RALYL: variants seen among roughly 807,000 people sequenced by gnomAD.
The protein encoded by RALYL is RNA-binding Raly-like protein.
RALYL carries 29 observed loss-of-function variants against 35.1 expected under a neutral mutation model. The observed-to-expected ratio is 0.83, with a 90% CI of 0.61 to 1.13. The LOEUF is 1.13. RALYL is among the 50% of genes most tolerant of loss of function. The pLI, the probability that RALYL is intolerant of heterozygous loss-of-function variation, is 0.00. For missense variants in RALYL, 359 were observed against 360.4 expected (o/e 1.00, Z 0.03); for synonymous variants, 120 against 127.6 (o/e 0.94, Z 0.40).
chr8:84,395,664 A>G (rs1370743390), intron 1 of RALYL, among the ~76,000 whole-genome samples: 1 of 151,928 alleles, frequency 6.6e-6, no homozygotes, highest in African/African-American at 2.4e-5. Context: ...AAAAATAGCA[A>G]GGTTTTAACA....
At chr8:84,355,954 AT>A (rs1164298658) in intron 1 of RALYL, among the ~76,000 whole-genome samples, 1 of 150,000 alleles carries the variant, frequency 6.7e-6, no homozygotes, top group Admixed American at 6.6e-5. Context: ...TGATTGGATC[AT>A]GGGGGTGGAT....
intron 1 of RALYL, among the ~76,000 whole-genome samples, chr8:84,483,077 T>C (rs745670706): frequency 1.3e-5 from 2 of 152,122 alleles, no homozygotes; most frequent in Non-Finnish European, 2.9e-5. Flanking sequence ...TTTGAAGATA[T>C]ATAAGCTGGA....
At chr8:84,362,399 T>A (rs10094681) in intron 1 of RALYL, among the ~76,000 whole-genome samples, 1 of 152,036 alleles carries the variant, frequency 6.6e-6, no homozygotes, top group African/African-American at 2.4e-5. Flanking sequence ...TCTCAGCATC[T>A]GATGTGTCCC....
intron 1 of RALYL, among the ~76,000 whole-genome samples, chr8:84,267,191 CT>C (rs1374819548): frequency 6.6e-6 from 1 of 152,106 alleles, no homozygotes; most frequent in Admixed American, 6.5e-5. Flanking sequence ...TTCTTTTCCT[CT>C]TTCAAATAAG....
chr8:84,814,286 A>AGTT (rs1363612895), intron 4 of RALYL, among the ~76,000 whole-genome samples: 7 of 152,194 alleles, frequency 4.6e-5, no homozygotes, highest in Non-Finnish European at 7.4e-5. Context: ...CAGTGCTTTG[A>AGTT]GTTACATTAT....
intron 4 of RALYL, among the ~76,000 whole-genome samples, chr8:84,820,652 G>A (rs1828322760): frequency 6.6e-6 from 1 of 151,990 alleles, no homozygotes; most frequent in Non-Finnish European, 1.5e-5. Context: ...TGTCATCTAG[G>A]TTTTAAGTCC....
At chr8:84,785,363 A>T (rs924121487) in intron 3 of RALYL, among the ~76,000 whole-genome samples, 3 of 151,520 alleles carry the variant, frequency 2.0e-5, no homozygotes, top group Non-Finnish European at 2.9e-5. Context: ...AAGTGATTAT[A>T]AAAAAAAATC....
chr8:84,617,804 C>G (rs373705502), intron 2 of RALYL, among the ~76,000 whole-genome samples: 8 of 151,360 alleles, frequency 5.3e-5, no homozygotes, highest in Admixed American at 6.6e-5. Flanking sequence ...TAGCATGAAG[C>G]GTTGTTGAAT....
intron 2 of RALYL, among the ~76,000 whole-genome samples, chr8:84,545,903 GT>G (rs139353896): frequency 1.2e-3 from 182 of 152,148 alleles, no homozygotes; most frequent in African/African-American, 4.3e-3. Context: ...AAATTATTAT[GT>G]TTTTCCTTGT....
chr8:84,685,695 G>A (rs781643485), intron 2 of RALYL, among the ~76,000 whole-genome samples: 29 of 152,086 alleles, frequency 1.9e-4, no homozygotes, highest in Non-Finnish European at 2.9e-4. Flanking sequence ...ATGATCAAAT[G>A]GGCTTGGAGT....
intron 1 of RALYL, among the ~76,000 whole-genome samples, chr8:84,496,522 C>T (rs996994487): frequency 6.6e-6 from 1 of 152,100 alleles, no homozygotes; most frequent in East Asian, 1.9e-4. Context: ...GCATAGTTCT[C>T]TAACCAAGCA....
At position 84,377,214 on chromosome 8, in the gene RALYL, G is replaced by A. The variant is rs529618126; in HGVS notation, c.-23-152085G>A. Among the ~76,000 whole-genome samples, 6 of 151,902 alleles carry A rather than the reference G, an allele frequency of 3.9e-5. No homozygotes were observed. In the East Asian group the frequency reaches 1.2e-3, roughly 30 times the overall value. ...AAGTATAGTTTATTGAAGGTCTGGA[G>A]TCTGAATAAAGTACCCCAAGTGAGT... On this transcript the variant is annotated intron_variant, in intron 1 of 8. Coordinates refer to ENST00000521268, the MANE Select transcript of RALYL (RefSeq NM_173848.7).
chr8:84,859,019 CAAAG>C lies in RALYL; in HGVS notation c.414-3276_414-3273del, dbSNP rs891686392. On this transcript the variant is annotated intron_variant, in intron 5 of 8. Coordinates refer to ENST00000521268, the MANE Select transcript of RALYL (RefSeq NM_173848.7). Reference sequence around the variant, plus strand: ...CAAATAATTGGGCAAAACGCACAAACAAAGGAAGGAAAGAATGAAGTAACAAAAG... The same window carrying C: ...CAAATAATTGGGCAAAACGCACAAACGAAGGAAAGAATGAAGTAACAAAAG... 2.3e-3 allele frequency among the ~76,000 whole-genome samples: 354 copies of C among 152,106 alleles called. 3 individuals are homozygous for C. The highest frequency in any genetic ancestry group is 8.1e-3 in the African/African-American group (336 of 41,484).
chr8:84,637,846 A>G (rs561958656), intron 2 of RALYL, among the ~76,000 whole-genome samples: 10 of 151,950 alleles, frequency 6.6e-5, no homozygotes, highest in African/African-American at 2.4e-4. Flanking sequence ...GTAAGCTCAT[A>G]ATTAGTACAG....
chr8:84,517,420 T>A (rs2134574480), intron 1 of RALYL, among the ~76,000 whole-genome samples: 1 of 152,288 alleles, frequency 6.6e-6, no homozygotes, highest in Non-Finnish European at 1.5e-5. Flanking sequence ...ACCAAGGCTG[T>A]TATATGTCAT....
chr8:84,632,002 A>G (rs1824015336), intron 2 of RALYL, among the ~76,000 whole-genome samples: 1 of 151,780 alleles, frequency 6.6e-6, no homozygotes, highest in Non-Finnish European at 1.5e-5. Flanking sequence ...CCAAATTCAT[A>G]CGTTGAAATT....
At chr8:84,487,774 A>G (rs1368923703) in intron 1 of RALYL, among the ~76,000 whole-genome samples, 1 of 152,212 alleles carries the variant, frequency 6.6e-6, no homozygotes, top group African/African-American at 2.4e-5. Flanking sequence ...CTTATTGTGT[A>G]GAAAGAATTT....
At chr8:84,763,505 A>T (rs1251307460) in intron 2 of RALYL, among the ~76,000 whole-genome samples, 2 of 152,190 alleles carry the variant, frequency 1.3e-5, no homozygotes, top group African/African-American at 4.8e-5. Context: ...TAACAGTTGT[A>T]TTCACCGTTG....
intron 1 of RALYL, among the ~76,000 whole-genome samples, chr8:84,345,938 C>T (rs1849758023): frequency 6.6e-6 from 1 of 152,054 alleles, no homozygotes; most frequent in Admixed American, 6.6e-5. Context: ...TTACTCATAC[C>T]TGCCCTTTCC....
Sources: gnomAD v4.1 joint callset for allele counts (sites outside exome capture counted in the v4.1 genomes callset) on GRCh38, gnomAD v4.1.1 for gene constraint, MANE v1.5 for transcripts, NCBI Gene and HGNC (gene_info 2026-07-23, HGNC 2026-07-21) for gene names.